TRPS1: variants seen among roughly 807,000 people sequenced by gnomAD.
The protein encoded by TRPS1 is zinc finger transcription factor Trps1.
Under a neutral mutation model 101.2 loss-of-function variants are expected in TRPS1, and 6 were observed. That is an observed-to-expected ratio of 0.06 (90% CI 0.03 to 0.12). The LOEUF (loss-of-function observed/expected upper bound fraction) is 0.12, where lower values mean the gene tolerates loss of function less well. TRPS1 is among the 10% of genes least tolerant of loss of function. The probability of loss-of-function intolerance (pLI) is 1.00; values close to 1 mark genes in which losing one functional copy is unlikely to be tolerated. For missense variants in TRPS1, 1,363 were observed against 1,567.0 expected (o/e 0.87, Z 2.20); for synonymous variants, 578 against 589.8 (o/e 0.98, Z 0.29).
intron 5 of TRPS1, among the ~76,000 whole-genome samples, chr8:115,491,389 A>T (rs116625100): frequency 6.6e-6 from 1 of 152,168 alleles, no homozygotes. Flanking sequence ...ATCATTACCC[A>T]TTCCATCCTG....
At chr8:115,512,832 C>A (rs940754729) in intron 5 of TRPS1, among the ~76,000 whole-genome samples, 5 of 151,586 alleles carry the variant, frequency 3.3e-5, no homozygotes, top group Non-Finnish European at 7.4e-5. Flanking sequence ...TTTACTATTG[C>A]AGAAAAGACA....
Position 115,535,230 on chromosome 8 carries a change from A to G in TRPS1, c.2700+51771T>C, listed in dbSNP as rs1330699707. Among the ~76,000 whole-genome samples, 34 of 79,338 alleles carry G rather than the reference A, an allele frequency of 4.3e-4. 1 individual carries two copies. Among genetic ancestry groups the G allele is most frequent in the African/African-American group, 1.0e-3 (17 of 16,416 alleles). 52.0% of individuals were successfully genotyped at this position (79,338 alleles called of 152,430 possible). On this transcript the variant is annotated intron_variant, in intron 5 of 6. Transcript: ENST00000395715. Reference sequence around the variant, plus strand: ...TATGTATAGCATATATAGCATATATATATAGCATATATAGCATATATAGCA... The same window carrying G: ...TATGTATAGCATATATAGCATATATGTATAGCATATATAGCATATATAGCA...
At chr8:115,662,929 G>T (rs1017754054) in intron 1 of TRPS1, among the ~76,000 whole-genome samples, 1 of 151,912 alleles carries the variant, frequency 6.6e-6, no homozygotes, top group Non-Finnish European at 1.5e-5. Context: ...AACAGGTGTC[G>T]CATTCGTTAT....
intron 3 of TRPS1, among the ~76,000 whole-genome samples, chr8:115,615,595 C>T (rs929397524): frequency 1.3e-5 from 2 of 152,034 alleles, no homozygotes; most frequent in African/African-American, 2.4e-5. Context: ...CCCGTCTCTA[C>T]TAAAAATACA....
At chr8:115,658,597 T>C (rs1433617565) in intron 1 of TRPS1, among the ~76,000 whole-genome samples, 1 of 152,132 alleles carries the variant, frequency 6.6e-6, no homozygotes, top group Non-Finnish European at 1.5e-5. Flanking sequence ...ATTACTCTCA[T>C]TTTTAAAGTG....
At position 115,587,146 on chromosome 8, in the gene TRPS1, G is replaced by A; in HGVS notation, c.2555C>T (p.Ala852Val). 1.2e-6 allele frequency: 2 copies of A among 1,614,114 alleles called. No homozygotes were observed. Among genetic ancestry groups the A allele is most frequent in the Non-Finnish European group, 1.7e-6 (2 of 1,180,006 alleles). ...DSPNVEAAHL[A>V]RPIYGLAVET... ...CACAGCCAAGCCATAAATAGGTCGC[G>A]CCAGATGGGCGGCCTCCACATTGGG... The change falls in exon 5 of 7, where the codon GCG (alanine) becomes GTG (valine). Residue 852 changes from alanine to valine, a missense_variant. Physicochemically the swap from Ala to Val is moderately conservative, Grantham distance 64 (BLOSUM62 0). Around this residue, in one of 5 missense-constraint regions of TRPS1, gnomAD observed 1,020 missense variants for 1,073.0 expected, o/e 0.95. Coordinates refer to ENST00000395715, the MANE Select transcript of TRPS1 (RefSeq NM_014112.5).
At position 115,623,741 on chromosome 8, in the gene TRPS1, G is replaced by C. The variant is rs1451691165; in HGVS notation, c.-104C>G. ...GCTCAGAAGACACAGAAGACATTTTGAGAGCTGATCTGTACATCTGCAAAA... is the reference window on the plus strand; with the variant it reads ...GCTCAGAAGACACAGAAGACATTTTCAGAGCTGATCTGTACATCTGCAAAA... On this transcript the variant is annotated 5_prime_UTR_variant, in exon 2 of 7. Transcript: ENST00000395715. 18 of 1,544,234 alleles carry C rather than the reference G, an allele frequency of 1.2e-5. No homozygotes were observed. The highest frequency in any genetic ancestry group is 1.5e-5 in the Non-Finnish European group (17 of 1,145,206).
rs1317788297 is a variant in TRPS1, at chr8:115,558,059, C to G, written c.2700+28942G>C. On this transcript the variant is annotated intron_variant, in intron 5 of 6. Coordinates refer to ENST00000395715, the MANE Select transcript of TRPS1 (RefSeq NM_014112.5). ...GTAACCAGATTTCTAATTACGAGGA[C>G]AGTTCTAAGCTCAATTCACAAAACA... is the stretch of plus-strand genomic sequence containing the variant. Among the ~76,000 whole-genome samples, 6 of 147,178 alleles carry G rather than the reference C, an allele frequency of 4.1e-5. No individual in the cohort carries two copies. The Admixed American group carries it at 4.1e-4, about 10-fold the overall frequency.
intron 1 of TRPS1, among the ~76,000 whole-genome samples, chr8:115,666,280 AG>A (rs1457247870): frequency 6.6e-6 from 1 of 152,042 alleles, no homozygotes; most frequent in Non-Finnish European, 1.5e-5. Flanking sequence ...TTTCACTTAA[AG>A]GTAAAAAAAA....
In TRPS1 at chr8:115,411,688, T is replaced by C. The variant is rs2129731747; in HGVS notation, c.*2335A>G. The C allele has an allele frequency of 6.6e-6, 1 of 152,626 alleles. No individual in the cohort carries two copies. The highest frequency in any genetic ancestry group is 2.1e-4 in the South Asian group (1 of 4,828). The allele number at this position is 152,626 out of a possible 1,614,324, so 9.5% of individuals were successfully genotyped here. Reference sequence around the variant, plus strand: ...CATTCCACTTCTTTATTTCAGTTTATGTGAATATTAGAGCTACGCGACAGG... The same window carrying C: ...CATTCCACTTCTTTATTTCAGTTTACGTGAATATTAGAGCTACGCGACAGG... On this transcript the variant is annotated 3_prime_UTR_variant, in exon 7 of 7. Coordinates refer to ENST00000395715, the MANE Select transcript of TRPS1 (RefSeq NM_014112.5).
intron 5 of TRPS1, among the ~76,000 whole-genome samples, chr8:115,435,077 T>G (rs1299233172): frequency 5.3e-5 from 8 of 152,208 alleles, no homozygotes; most frequent in Admixed American, 1.3e-4. Context: ...CTAATCAGTT[T>G]CTATTAAACA....
intron 5 of TRPS1, among the ~76,000 whole-genome samples, chr8:115,468,012 A>G (rs1442789365): frequency 6.6e-6 from 1 of 152,180 alleles, no homozygotes; most frequent in African/African-American, 2.4e-5. Flanking sequence ...TGCCTACAGA[A>G]ATTCCCCATG....
At chr8:115,562,224 A>G (rs938904684) in intron 5 of TRPS1, among the ~76,000 whole-genome samples, 3 of 152,154 alleles carry the variant, frequency 2.0e-5, no homozygotes, top group Non-Finnish European at 4.4e-5. Context: ...CTGTAGAGCC[A>G]TTTAAACGTA....
At chr8:115,611,953 G>A (rs1340400327) in intron 3 of TRPS1, among the ~76,000 whole-genome samples, 1 of 152,098 alleles carries the variant, frequency 6.6e-6, no homozygotes, top group Non-Finnish European at 1.5e-5. Flanking sequence ...AGTATAATTA[G>A]ATGATATGCT....
intron 5 of TRPS1, among the ~76,000 whole-genome samples, chr8:115,558,524 A>G (rs1816877196): frequency 6.6e-6 from 1 of 152,184 alleles, no homozygotes; most frequent in South Asian, 2.1e-4. Context: ...TTGCTTCTCA[A>G]TATTTCTTCT....
At chr8:115,500,172 G>C (rs1022636934) in intron 5 of TRPS1, among the ~76,000 whole-genome samples, 1 of 151,902 alleles carries the variant, frequency 6.6e-6, no homozygotes, top group African/African-American at 2.4e-5. Context: ...TGGGATTATA[G>C]GCACGCAGCA....
intron 5 of TRPS1, among the ~76,000 whole-genome samples, chr8:115,549,333 T>C (rs1373437154): frequency 6.6e-6 from 1 of 152,238 alleles, no homozygotes; most frequent in Non-Finnish European, 1.5e-5. Context: ...TTCAGCATTA[T>C]ATAATTGTAA....
intron 1 of TRPS1, among the ~76,000 whole-genome samples, chr8:115,653,623 A>G (rs1811612538): frequency 6.6e-6 from 1 of 152,230 alleles, no homozygotes; most frequent in African/African-American, 2.4e-5. Flanking sequence ...GATATTTATA[A>G]AAGGCTTTTC....
intron 5 of TRPS1, among the ~76,000 whole-genome samples, chr8:115,453,224 T>C (rs1042160351): frequency 3.3e-5 from 5 of 152,134 alleles, no homozygotes; most frequent in African/African-American, 1.2e-4. Flanking sequence ...TTTCACCATC[T>C]TGGCCGGGCT....
Sources: gnomAD v4.1 joint callset for allele counts (sites outside exome capture counted in the v4.1 genomes callset) on GRCh38, gnomAD v4.1.1 for gene constraint, gnomAD v4.1.1 regional missense constraint, MANE v1.5 for transcripts, NCBI Gene and HGNC (gene_info 2026-07-23, HGNC 2026-07-21) for gene names.